Variants in CD200R1L observed in about 807,000 individuals in gnomAD.
The protein encoded by CD200R1L is cell surface glycoprotein CD200 receptor 2.
A neutral mutation model predicts 24.8 loss-of-function variants in CD200R1L; 14 were observed. The observed-to-expected ratio is 0.56, with a 90% confidence interval of 0.37 to 0.88. CD200R1L has a LOEUF of 0.88. Ranked by LOEUF, CD200R1L falls within the 40% of genes least tolerant of loss-of-function variation. The probability of loss-of-function intolerance (pLI) is 0.00; values close to 1 mark genes in which losing one functional copy is unlikely to be tolerated. For missense variants in CD200R1L, 299 were observed against 297.8 expected (o/e 1.00, Z -0.03); for synonymous variants, 111 against 109.2 (o/e 1.02, Z -0.11).
At position 112,827,587 on chromosome 3, in the gene CD200R1L, G is replaced by A; in HGVS notation, c.147C>T (p.Ile49=). 6.2e-7 allele frequency: 1 copy of A among 1,613,966 alleles called. No individual in the cohort carries two copies. The highest frequency in any genetic ancestry group is 1.7e-5 in the Admixed American group (1 of 60,000). The change falls in exon 5 of 8, where the codon ATC becomes ATT. Residue 49 remains isoleucine, a synonymous_variant. Coordinates refer to ENST00000488794, the MANE Select transcript of CD200R1L (RefSeq NM_001199215.3). ...RNLIIITWEI[I]LRGQPSCTKA... ...TTGTGCAGGAAGGCTGGCCTCTCAG[G>A]ATTATTTCCCATGTTATTATGATCA... is the stretch of plus-strand genomic sequence containing the variant.
At chr3:112,827,810 A>G in intron 4 of CD200R1L, 126 bp from the exon 5 acceptor site, 1 of 878,524 alleles carries the variant, frequency 1.1e-6, no homozygotes, top group Non-Finnish European at 1.7e-6. Flanking sequence ...TATTCCAGAA[A>G]TATTAGACTT....
rs201043427 is a variant in CD200R1L, at chr3:112,827,447, G to A, written c.287C>T (p.Thr96Ile). The change falls in exon 5 of 8, where the codon ACC becomes ATC. Residue 96 changes from threonine (T) to isoleucine (I), a missense_variant. Physicochemically the swap from Thr to Ile is moderately conservative, Grantham distance 89. Coordinates refer to ENST00000488794, the MANE Select transcript of CD200R1L (RefSeq NM_001199215.3). Reference sequence around the variant, plus strand: ...GCCTCTGTAATACCCGTCATGAGTGGTGTCCACCGGACGAATCTGAAGGTC... The same window carrying A: ...GCCTCTGTAATACCCGTCATGAGTGATGTCCACCGGACGAATCTGAAGGTC... ...NSDLQIRPVD[T>I]THDGYYRGIV... 25 of 1,614,024 alleles carry A rather than the reference G, an allele frequency of 1.5e-5. No individual in the cohort carries two copies. The East Asian group carries it at 3.8e-4, about 24-fold the overall frequency.
At chr3:112,819,938 T>A (rs1938493865) in intron 6 of CD200R1L, 43 bp from the exon 7 acceptor site, 1 of 1,524,538 alleles carries the variant, frequency 6.6e-7, no homozygotes, top group African/African-American at 1.4e-5. Context: ...CAAGCATTCT[T>A]CTAGTTACAA....
At chr3:112,843,290 TA>T (rs1420641220) in intron 2 of CD200R1L, among the ~76,000 whole-genome samples, 1 of 151,988 alleles carries the variant, frequency 6.6e-6, no homozygotes, top group Non-Finnish European at 1.5e-5. Flanking sequence ...CGATGTGAAA[TA>T]AAAAAATCTT....
At chr3:112,825,520 G>A (rs16860127) in intron 6 of CD200R1L, among the ~76,000 whole-genome samples, 38,914 of 151,202 alleles carry the variant, frequency 0.26, 5,673 homozygotes, top group African/African-American at 0.38. Flanking sequence ...TTGGCACTTG[G>A]GAGATGCTTT....
At chr3:112,816,713 A>G (rs1380807731) in intron 7 of CD200R1L, among the ~76,000 whole-genome samples, 1 of 152,148 alleles carries the variant, frequency 6.6e-6, no homozygotes, top group Non-Finnish European at 1.5e-5. Flanking sequence ...TCCATATTGT[A>G]GCTCCCATAA....
rs144802990 is a variant in CD200R1L at position 112,846,308 on chromosome 3, C to T, written c.-359+317G>A. On this transcript the variant is annotated intron_variant, in intron 1 of 7. Coordinates refer to ENST00000488794, the MANE Select transcript of CD200R1L (RefSeq NM_001199215.3). ...TCTGACAGTTTTTGAACTTCACATG[C>T]ATGAAATTCTTTGCAAATTTCAATT... Among the ~76,000 whole-genome samples the T allele has an allele frequency of 3.1e-3, 472 of 152,332 alleles. 3 individuals carry two copies. The highest frequency in any genetic ancestry group is 0.011 in the African/African-American group (442 of 41,564).
chr3:112,823,467 A>G (rs768635641), intron 6 of CD200R1L, among the ~76,000 whole-genome samples: 7 of 152,170 alleles, frequency 4.6e-5, no homozygotes, highest in Non-Finnish European at 1.0e-4. Context: ...GTCTGTGCTA[A>G]CTCCAGGTAG....
chr3:112,845,568 C>T, intron 2 of CD200R1L, 111 bp downstream of exon 2: 1 of 871,460 alleles, frequency 1.1e-6, no homozygotes, highest in Non-Finnish European at 1.9e-6. Flanking sequence ...TTTATCACTG[C>T]TGCTAGGACA....
rs1330685486 is a variant in CD200R1L, at chr3:112,827,243, T to C, written c.368-2A>G. ...GAAATAGGTTCACTTCGGGTGTAAC[T>C]GCAGAGAGGAAAGAGGGAAAAAAAT... On this transcript the variant is annotated splice_acceptor_variant, in intron 5 of 7. Transcript: ENST00000488794. LOFTEE classifies it high-confidence loss of function. 1 of 1,605,868 alleles carries C rather than the reference T, an allele frequency of 6.2e-7. No individual in the cohort carries two copies. Among genetic ancestry groups the C allele is most frequent in the Non-Finnish European group, 8.5e-7 (1 of 1,175,706 alleles).
chr3:112,821,128 A>G (rs1049797046), intron 6 of CD200R1L, among the ~76,000 whole-genome samples: 11 of 152,114 alleles, frequency 7.2e-5, no homozygotes, highest in Non-Finnish European at 1.5e-4. Flanking sequence ...TGAACTCTAA[A>G]TACAAGTCTG....
intron 6 of CD200R1L, among the ~76,000 whole-genome samples, chr3:112,821,293 A>AC (rs1938528801): frequency 6.6e-6 from 1 of 152,142 alleles, no homozygotes; most frequent in Non-Finnish European, 1.5e-5. Context: ...GAGAAGTCAG[A>AC]CTCATACAAA....
intron 2 of CD200R1L, among the ~76,000 whole-genome samples, chr3:112,839,911 C>G (rs949685559): frequency 6.6e-6 from 1 of 152,186 alleles, no homozygotes; most frequent in Admixed American, 6.5e-5. Context: ...CCCCTCACTC[C>G]TCTTTGCTTC....
At chr3:112,832,663 A>C (rs1307729009) in intron 3 of CD200R1L, among the ~76,000 whole-genome samples, 3 of 152,230 alleles carry the variant, frequency 2.0e-5, no homozygotes, top group Non-Finnish European at 4.4e-5. Context: ...CCAAAGTATC[A>C]GCCCCAACGG....
At chr3:112,832,023 AG>A (rs1938813898) in intron 3 of CD200R1L, among the ~76,000 whole-genome samples, 1 of 152,202 alleles carries the variant, frequency 6.6e-6, no homozygotes, top group South Asian at 2.1e-4. Flanking sequence ...ATTTTTACCG[AG>A]GTGACCCACT....
Position 112,827,646 on chromosome 3 carries a change from C to T in CD200R1L, c.88G>A (p.Val30Met), listed in dbSNP as rs542766783. Residue 30 changes from valine to methionine, a missense_variant, in exon 5 of 8, where the codon GTG becomes ATG. Val to Met is a conservative substitution (Grantham distance 21). Coordinates refer to ENST00000488794, the MANE Select transcript of CD200R1L (RefSeq NM_001199215.3). Reference protein sequence around the residue: ...SQPVLMDINAVLCCPPIALRN... With the variant: ...SQPVLMDINAMLCCPPIALRN... ...AATGCGATAGGAGGGCAACAAAGCA[C>T]AGCATTTATATCCATCAGTACAGGC... 6.1e-5 allele frequency: 99 copies of T among 1,613,840 alleles called. No individual in the cohort carries two copies. The South Asian group carries it at 1.0e-3, about 16-fold the overall frequency.
At chr3:112,829,148 T>G (rs560922397) in intron 4 of CD200R1L, among the ~76,000 whole-genome samples, 171 bp downstream of exon 4, 1 of 152,310 alleles carries the variant, frequency 6.6e-6, no homozygotes, top group South Asian at 2.1e-4. Flanking sequence ...TATGGCTTGT[T>G]TGGAGAACTA....
chr3:112,817,067 C>T (rs548648644), intron 7 of CD200R1L, among the ~76,000 whole-genome samples: 2 of 152,094 alleles, frequency 1.3e-5, no homozygotes, highest in African/African-American at 2.4e-5. Context: ...CTAATACAAC[C>T]AGGTAACAAG....
At chr3:112,823,666 C>T (rs1377513064) in intron 6 of CD200R1L, among the ~76,000 whole-genome samples, 1 of 152,122 alleles carries the variant, frequency 6.6e-6, no homozygotes, top group Non-Finnish European at 1.5e-5. Context: ...TCTGTGAGCA[C>T]AGAGGAGGAA....
Sources: gnomAD v4.1 joint callset for allele counts (sites outside exome capture counted in the v4.1 genomes callset) on GRCh38, gnomAD v4.1.1 for gene constraint, MANE v1.5 for transcripts, NCBI Gene and HGNC (gene_info 2026-07-23, HGNC 2026-07-21) for gene names.